Variants in IFNAR1 observed in about 807,000 individuals in gnomAD.
The protein encoded by IFNAR1 is interferon alpha and beta receptor subunit 1.
Under a neutral mutation model 62.1 loss-of-function variants are expected in IFNAR1, and 47 were observed. The observed-to-expected ratio is 0.76, with a 90% confidence interval of 0.60 to 0.97. The LOEUF (loss-of-function observed/expected upper bound fraction) is 0.97, where lower values mean the gene tolerates loss of function less well. IFNAR1 is among the 50% of genes least tolerant of loss of function. IFNAR1 has a pLI of 0.00. For missense variants in IFNAR1, 638 were observed against 654.5 expected (o/e 0.97, Z 0.27); for synonymous variants, 219 against 226.9 (o/e 0.97, Z 0.31).
At chr21:33,345,097 T>C (rs2083332831) in intron 5 of IFNAR1, 149 bp from the exon 6 acceptor site, 1 of 555,422 alleles carries the variant, frequency 1.8e-6, no homozygotes, top group African/African-American at 2.0e-5. Context: ...CTGTAGTCTT[T>C]CAAATGGCTG....
intron 2 of IFNAR1, among the ~76,000 whole-genome samples, chr21:33,338,651 G>A (rs891651417): frequency 1.3e-5 from 2 of 151,754 alleles, no homozygotes; most frequent in African/African-American, 2.4e-5. Flanking sequence ...ATTATGAAAC[G>A]GATTTCATGA....
In IFNAR1 at chr21:33,355,507, C is replaced by G; in HGVS notation, c.1632C>G (p.Ser544Arg). Reference sequence around the variant, plus strand: ...GAAATTATTCTAATGAAGATGAAAGCGAAAGTAAAACAAGTGAAGAACTAC... The same window carrying G: ...GAAATTATTCTAATGAAGATGAAAGGGAAAGTAAAACAAGTGAAGAACTAC... ...DSGNYSNEDE[S>R]ESKTSEELQQ... The change falls in exon 11 of 11, where the codon AGC becomes AGG. Residue 544 changes from serine (S) to arginine (R), a missense_variant. Physicochemically the swap from Ser to Arg is moderately radical, Grantham distance 110. Transcript: ENST00000270139. 1 of 1,601,034 alleles carries G rather than the reference C, an allele frequency of 6.2e-7. No individual in the cohort carries two copies. Among genetic ancestry groups the G allele is most frequent in the Non-Finnish European group, 8.5e-7 (1 of 1,175,568 alleles).
At chr21:33,324,955 C>A, upstream of IFNAR1, 2 of 995,148 alleles carry the variant, frequency 2.0e-6, no homozygotes, top group South Asian at 1.5e-5. Flanking sequence ...AGGGGCAGCG[C>A]GTGTGCAGAG....
chr21:33,344,887 A>C (rs2083330926), intron 5 of IFNAR1, among the ~76,000 whole-genome samples: 1 of 151,984 alleles, frequency 6.6e-6, no homozygotes, highest in South Asian at 2.1e-4. Flanking sequence ...TCCCAGCTTC[A>C]AGCGATTCTC....
intron 3 of IFNAR1, among the ~76,000 whole-genome samples, chr21:33,342,662 G>A (rs1337371884): frequency 1.4e-5 from 2 of 144,170 alleles, no homozygotes. Flanking sequence ...GGCTAACACG[G>A]TGAAACCCTG....
At chr21:33,355,168 G>C in intron 10 of IFNAR1, 148 bp from the exon 11 acceptor site, 2 of 532,764 alleles carry the variant, frequency 3.8e-6, no homozygotes, top group Non-Finnish European at 6.6e-6. Flanking sequence ...AAGGCAATTA[G>C]TATGTTCTTA....
intron 1 of IFNAR1, among the ~76,000 whole-genome samples, chr21:33,331,879 G>A (rs1336911319): frequency 1.3e-5 from 2 of 152,136 alleles, no homozygotes; most frequent in Non-Finnish European, 2.9e-5. Context: ...CATAGGGGTA[G>A]AATCAAAGCT....
At chr21:33,355,125 A>G (rs2083434983) in intron 10 of IFNAR1, among the ~76,000 whole-genome samples, 191 bp from the exon 11 acceptor site, 2 of 152,174 alleles carry the variant, frequency 1.3e-5, no homozygotes, top group South Asian at 4.1e-4. Context: ...CTAAGATATG[A>G]GTGACCTCAC....
At chr21:33,325,755 T>C (rs1460984140) in intron 1 of IFNAR1, among the ~76,000 whole-genome samples, 1 of 152,136 alleles carries the variant, frequency 6.6e-6, no homozygotes, top group Non-Finnish European at 1.5e-5. Flanking sequence ...CTGTGAGAAT[T>C]TAGTTAGTGC....
intron 1 of IFNAR1, among the ~76,000 whole-genome samples, chr21:33,332,590 A>G (rs1291655726): frequency 6.6e-6 from 1 of 152,218 alleles, no homozygotes; most frequent in Non-Finnish European, 1.5e-5. Context: ...AGGAAACTCA[A>G]CAAGATACAA....
intron 8 of IFNAR1, 145 bp downstream of exon 8, chr21:33,349,688 G>A: frequency 3.3e-6 from 2 of 612,984 alleles, no homozygotes; most frequent in Non-Finnish European, 5.5e-6. Flanking sequence ...ACTTCAGGAG[G>A]CCAAGGCGAG....
intron 5 of IFNAR1, among the ~76,000 whole-genome samples, chr21:33,344,953 A>G (rs2083331523): frequency 6.6e-6 from 1 of 151,662 alleles, no homozygotes; most frequent in African/African-American, 2.4e-5. Flanking sequence ...ATGCCTGGCT[A>G]ATTTTTGTAT....
At chr21:33,345,214 G>A (rs758058124) in intron 5 of IFNAR1, 32 bp from the exon 6 acceptor site, 2 of 1,035,048 alleles carry the variant, frequency 1.9e-6, no homozygotes, top group East Asian at 2.4e-5. Context: ...GTAAAAATGT[G>A]TGCTTTTTTT....
At position 33,325,079 on chromosome 21, in the gene IFNAR1, G is replaced by T; in HGVS notation, c.24G>T (p.Ala8=). The T allele has an allele frequency of 6.2e-7, 1 of 1,609,696 alleles. No homozygotes were observed. Among genetic ancestry groups the T allele is most frequent in the Non-Finnish European group, 8.5e-7 (1 of 1,178,780 alleles). Residue 8 remains alanine (A), a synonymous_variant, in exon 1 of 11, where the codon GCG becomes GCT. Transcript: ENST00000270139. ...AGATGATGGTCGTCCTCCTGGGCGCGACGACCCTAGTGCTCGTCGCCGTGG... is the reference window on the plus strand; with the variant it reads ...AGATGATGGTCGTCCTCCTGGGCGCTACGACCCTAGTGCTCGTCGCCGTGG... MMVVLLG[A]TTLVLVAVAP... is the part of the protein sequence containing the mutation.
rs2083477652 is a variant in IFNAR1 at position 33,359,260 on chromosome 21, C to T, written c.*3711C>T. 1 of 152,040 alleles carries T rather than the reference C, an allele frequency of 6.6e-6. No individual in the cohort carries two copies. Among genetic ancestry groups the T allele is most frequent in the Non-Finnish European group, 1.5e-5 (1 of 68,022 alleles). The allele number at this position is 152,040 out of a possible 1,614,324, so 9.4% of individuals were successfully genotyped here. Reference sequence around the variant, plus strand: ...ATTTCACTTGTGTTTTGTCTTAAACCCTACTGCTGGAAACAATTTTATGTA... The same window carrying T: ...ATTTCACTTGTGTTTTGTCTTAAACTCTACTGCTGGAAACAATTTTATGTA... On this transcript the variant is annotated 3_prime_UTR_variant, in exon 11 of 11. Transcript: ENST00000270139.
At chr21:33,325,381 G>A (rs1016757444) in intron 1 of IFNAR1, among the ~76,000 whole-genome samples, 3 of 152,210 alleles carry the variant, frequency 2.0e-5, no homozygotes, top group African/African-American at 4.8e-5. Flanking sequence ...TCCCACCCCC[G>A]TGAAATGGCG....
At chr21:33,331,644 C>T (rs2083182152) in intron 1 of IFNAR1, among the ~76,000 whole-genome samples, 1 of 152,162 alleles carries the variant, frequency 6.6e-6, no homozygotes, top group South Asian at 2.1e-4. Flanking sequence ...TTTTGTAGTA[C>T]TTGCTGCTGC....
At chr21:33,336,844 G>A (rs765035221) in intron 2 of IFNAR1, among the ~76,000 whole-genome samples, 4 of 147,206 alleles carry the variant, frequency 2.7e-5, no homozygotes, top group East Asian at 2.1e-4. Flanking sequence ...TCCACTTCCC[G>A]GTTTCAAGCG....
intron 8 of IFNAR1, among the ~76,000 whole-genome samples, chr21:33,351,487 G>A (rs963000264): frequency 2.0e-5 from 3 of 151,518 alleles, no homozygotes; most frequent in Non-Finnish European, 4.4e-5. Context: ...CTACATAATC[G>A]TTTTGTGAGC....
Sources: allele counts gnomAD v4.1 joint callset (sites outside exome capture counted in the v4.1 genomes callset), GRCh38; gene constraint gnomAD v4.1.1; transcripts MANE v1.5; gene names NCBI Gene and HGNC (gene_info 2026-07-23, HGNC 2026-07-21).